MBNL2: variants seen among roughly 807,000 people sequenced by gnomAD.
The protein encoded by MBNL2 is muscleblind-like protein 2.
MBNL2 carries 17 observed loss-of-function variants against 41.9 expected under a neutral mutation model. That is an observed-to-expected ratio of 0.41 (90% CI 0.28 to 0.61). The LOEUF (loss-of-function observed/expected upper bound fraction) is 0.61. Among genes scored for constraint, MBNL2 ranks in the 20% least tolerant of loss-of-function variants. MBNL2 has a pLI of 0.35. For missense variants in MBNL2, 336 were observed against 505.6 expected, an observed-to-expected ratio of 0.66 and a Z score of 3.22; for synonymous variants, 195 against 182.9, an observed-to-expected ratio of 1.07 and a Z score of -0.53.
chr13:97,145,173 A>G, the MBNL2 span, among the ~76,000 whole-genome samples: 1 of 152,318 alleles, frequency 6.6e-6, no homozygotes, highest in Non-Finnish European at 1.5e-5. Flanking sequence ...AACTCCAATG[A>G]GCAACCTGTG....
chr13:97,262,412 T>C (rs2048815073), intron 1 of MBNL2, among the ~76,000 whole-genome samples: 1 of 152,178 alleles, frequency 6.6e-6, no homozygotes. Context: ...ACTCTGAACC[T>C]TTCTCCCTCA....
chr13:97,209,035 A>G, the MBNL2 span, among the ~76,000 whole-genome samples: 6 of 152,344 alleles, frequency 3.9e-5, no homozygotes, highest in Admixed American at 1.3e-4. Flanking sequence ...ATGCGGGGGC[A>G]AACAAATCAA....
At chr13:97,349,470 C>CTAAT (rs1288723458) in intron 5 of MBNL2, among the ~76,000 whole-genome samples, 1 of 152,052 alleles carries the variant, frequency 6.6e-6, no homozygotes, top group African/African-American at 2.4e-5. Context: ...CCAACTTATC[C>CTAAT]TAATTGGTGT....
intron 8 of MBNL2, among the ~76,000 whole-genome samples, chr13:97,378,277 T>TGTAA (rs2065140495): frequency 6.6e-6 from 1 of 152,188 alleles, no homozygotes; most frequent in African/African-American, 2.4e-5. Flanking sequence ...ACACCAACCC[T>TGTAA]GTAAGTTAGA....
At chr13:97,376,980 C>T (rs1302654562) in intron 8 of MBNL2, among the ~76,000 whole-genome samples, 1 of 152,220 alleles carries the variant, frequency 6.6e-6, no homozygotes, top group African/African-American at 2.4e-5. Flanking sequence ...CTTCCCAACA[C>T]TGCCTTCCTG....
intron 1 of MBNL2, among the ~76,000 whole-genome samples, chr13:97,273,197 C>T (rs889072750): frequency 6.6e-6 from 1 of 152,156 alleles, no homozygotes; most frequent in South Asian, 2.1e-4. Flanking sequence ...GACTTGGGGA[C>T]TCTACGTAAT....
intron 8 of MBNL2, among the ~76,000 whole-genome samples, chr13:97,379,794 G>A (rs2065270710): frequency 6.6e-6 from 1 of 152,196 alleles, no homozygotes; most frequent in Admixed American, 6.5e-5. Context: ...TTTGGAATGA[G>A]GAGACATTCT....
intron 1 of MBNL2, among the ~76,000 whole-genome samples, chr13:97,236,668 C>T (rs1200464608): frequency 6.6e-6 from 1 of 152,112 alleles, no homozygotes; most frequent in African/African-American, 2.4e-5. Flanking sequence ...CTTCTGGAAC[C>T]TTCTGGGCTT....
the MBNL2 span, among the ~76,000 whole-genome samples, chr13:97,169,709 T>C: frequency 2.0e-5 from 3 of 152,356 alleles, no homozygotes; most frequent in African/African-American, 7.2e-5. Context: ...TATACACTAC[T>C]CTTGCAGCCT....
chr13:97,182,847 A>G, the MBNL2 span, among the ~76,000 whole-genome samples: 1 of 152,156 alleles, frequency 6.6e-6, no homozygotes, highest in South Asian at 2.1e-4. Flanking sequence ...ATTCCCCTCC[A>G]TTGTGTATTT....
chr13:97,382,020 C>G (rs1365902292), intron 8 of MBNL2, among the ~76,000 whole-genome samples: 1 of 152,128 alleles, frequency 6.6e-6, no homozygotes, highest in Non-Finnish European at 1.5e-5. Flanking sequence ...GTGAAGCAGC[C>G]TATTTAATCT....
chr13:97,269,389 C>T (rs1013760483), intron 1 of MBNL2, among the ~76,000 whole-genome samples: 3 of 152,090 alleles, frequency 2.0e-5, no homozygotes, highest in Non-Finnish European at 4.4e-5. Flanking sequence ...GGAAATTTTC[C>T]TAATTTCCAA....
chr13:97,205,127 C>T, the MBNL2 span, among the ~76,000 whole-genome samples: 20 of 149,434 alleles, frequency 1.3e-4, no homozygotes, highest in African/African-American at 4.7e-4. Flanking sequence ...GCTGAGATTG[C>T]ACCACTGCAC....
chr13:97,203,296 G>A, the MBNL2 span, among the ~76,000 whole-genome samples: 2 of 152,160 alleles, frequency 1.3e-5, no homozygotes, highest in Non-Finnish European at 2.9e-5. Context: ...ACAAGTCCTG[G>A]TGTTGTTAAT....
intron 8 of MBNL2, among the ~76,000 whole-genome samples, chr13:97,380,165 T>C (rs2065303883): frequency 6.6e-6 from 1 of 152,186 alleles, no homozygotes; most frequent in South Asian, 2.1e-4. Context: ...TGTGGCAACA[T>C]ATCTTTATAT....
intron 5 of MBNL2, among the ~76,000 whole-genome samples, chr13:97,352,492 C>T (rs2062589530): frequency 6.6e-6 from 1 of 152,128 alleles, no homozygotes; most frequent in African/African-American, 2.4e-5. Context: ...AGCAGTCAGA[C>T]CAGGCATGAC....
chr13:97,368,242 T>G (rs574963351), intron 8 of MBNL2, among the ~76,000 whole-genome samples: 15 of 152,110 alleles, frequency 9.9e-5, no homozygotes, highest in Admixed American at 8.5e-4. Context: ...AAATCTGGTC[T>G]CTACAAAAAT....
At chr13:97,296,953 T>G (rs2057098912) in intron 2 of MBNL2, among the ~76,000 whole-genome samples, 1 of 152,198 alleles carries the variant, frequency 6.6e-6, no homozygotes, top group African/African-American at 2.4e-5. Flanking sequence ...AAGTCCAATT[T>G]CATTTTCTCA....
At position 97,393,364 on chromosome 13, in the gene MBNL2, G is replaced by T. The variant is rs2066433977; in HGVS notation, c.*1915G>T. The T allele has an allele frequency of 6.6e-6, 1 of 152,080 alleles. No individual in the cohort carries two copies. The highest frequency in any genetic ancestry group is 2.1e-4 in the South Asian group (1 of 4,828). 9.4% of individuals were successfully genotyped at this position (152,080 alleles called of 1,614,324 possible). On this transcript the variant is annotated 3_prime_UTR_variant, in exon 9 of 9. Transcript: ENST00000679496. ...TTATGGGAATCACTGAAATATTTTT[G>T]TAGATTAATTGTTGTAACATTGTCT...
Sources: allele counts gnomAD v4.1 joint callset (sites outside exome capture counted in the v4.1 genomes callset), GRCh38; gene constraint gnomAD v4.1.1; transcripts MANE v1.5; gene names NCBI Gene and HGNC (gene_info 2026-07-23, HGNC 2026-07-21).